The following BIRC6 variants were observed in gnomAD, a reference collection of about 807,000 sequenced individuals.
The protein encoded by BIRC6 is baculoviral IAP repeat containing 6.
A neutral mutation model predicts 503.3 loss-of-function variants in BIRC6; 98 were observed. That is an observed-to-expected ratio of 0.19 (90% CI 0.17 to 0.23). BIRC6 has a LOEUF of 0.23. Among genes scored for constraint, BIRC6 ranks in the 10% least tolerant of loss-of-function variants. BIRC6 has a pLI of 1.00. For synonymous variants in BIRC6, 2,240 were observed against 2,078.7 expected, an observed-to-expected ratio of 1.08 and a Z score of -2.11; for missense variants, 5,360 against 5,806.0, an observed-to-expected ratio of 0.92 and a Z score of 2.50.
chr2:32,514,282 C>T (rs2149686626), intron 54 of BIRC6, among the ~76,000 whole-genome samples: 1 of 152,144 alleles, frequency 6.6e-6, no homozygotes, highest in East Asian at 1.9e-4. Context: ...GATGATGGCA[C>T]CACTGGCACT....
At chr2:32,595,213 T>C (rs1460921046) in intron 68 of BIRC6, 69 bp downstream of exon 68, 13 of 957,654 alleles carry the variant, frequency 1.4e-5, no homozygotes, top group Non-Finnish European at 2.0e-5. Context: ...TATTGAAATG[T>C]GTTTTAGCAA....
intron 66 of BIRC6, among the ~76,000 whole-genome samples, chr2:32,585,527 G>A (rs1379116027): frequency 5.9e-5 from 9 of 151,970 alleles, no homozygotes; most frequent in Admixed American, 4.6e-4. Flanking sequence ...CTACAGGCGC[G>A]TGCCACCACA....
At chr2:32,582,237 G>T (rs1434274479) in intron 66 of BIRC6, among the ~76,000 whole-genome samples, 1 of 152,164 alleles carries the variant, frequency 6.6e-6, no homozygotes, top group African/African-American at 2.4e-5. Flanking sequence ...GGCTGGATAT[G>T]GTGGCTCTTG....
rs1341125448 is a variant in BIRC6 at position 32,549,338 on chromosome 2, T to A, written c.13001T>A (p.Val4334Asp). 5 of 1,468,354 alleles carry A rather than the reference T, an allele frequency of 3.4e-6. No homozygotes were observed. The highest frequency in any genetic ancestry group is 2.4e-5 in the East Asian group (1 of 42,220). 91.0% of individuals were successfully genotyped at this position (1,468,354 alleles called of 1,614,324 possible). The part of the protein sequence containing the change: ...LQVLASYINP[V>D]SSAVNGEAQS... Reference sequence around the variant, plus strand: ...GTTCTTGCCAGTTACATAAATCCCGTCAGTAGTGCGGTAAATGGAGAAGCT... The same window carrying A: ...GTTCTTGCCAGTTACATAAATCCCGACAGTAGTGCGGTAAATGGAGAAGCT... The change falls in exon 65 of 74, where the codon GTC becomes GAC. Residue 4334 changes from valine to aspartate, a missense_variant. Physicochemically the swap from Val to Asp is radical, Grantham distance 152. This residue lies in a region of BIRC6 where 477 missense variants were observed against 574.4 expected (regional missense o/e 0.83). Transcript: ENST00000421745.
chr2:32,485,811 A>G lies in BIRC6; in HGVS notation c.7813+52A>G, dbSNP rs144997175. 3.7e-4 allele frequency: 451 copies of G among 1,223,126 alleles called. 2 individuals are homozygous for G. In the African/African-American group the frequency reaches 5.4e-3, roughly 15 times the overall value. The allele number at this position is 1,223,126 out of a possible 1,614,324, so 75.8% of individuals were successfully genotyped here. A position where few individuals can be genotyped will look rare whatever the true frequency, so the allele number is the denominator to read the frequency against. On this transcript the variant is annotated intron_variant, in intron 40 of 73. Coordinates refer to ENST00000421745, the MANE Select transcript of BIRC6 (RefSeq NM_016252.4). ...ATTGCAGTGAATGATTCAGCTCTTC[A>G]TCATTTTCAGGTGGATTCATCAAGG...
chr2:32,541,781 T>A (rs1404820354), intron 61 of BIRC6, among the ~76,000 whole-genome samples: 1 of 152,130 alleles, frequency 6.6e-6, no homozygotes, highest in Admixed American at 6.5e-5. Context: ...TTTGAATTAT[T>A]AAGATTAAAT....
intron 50 of BIRC6, 82 bp from the exon 51 acceptor site, chr2:32,507,898 T>C: frequency 7.7e-7 from 1 of 1,303,956 alleles, no homozygotes; most frequent in Non-Finnish European, 1.0e-6. Context: ...CTGTGAAAGC[T>C]GCTATTTTAC....
intron 61 of BIRC6, among the ~76,000 whole-genome samples, chr2:32,535,462 C>T (rs1436520405): frequency 1.3e-5 from 2 of 152,124 alleles, no homozygotes; most frequent in Non-Finnish European, 2.9e-5. Flanking sequence ...CCTCCTCCCA[C>T]CCCACAACAG....
chr2:32,491,117 GAGTT>G (rs1370716523), intron 43 of BIRC6, among the ~76,000 whole-genome samples: 2 of 152,146 alleles, frequency 1.3e-5, no homozygotes, highest in Admixed American at 1.3e-4. Context: ...CTGGAAGGGG[GAGTT>G]AGTTAGAATA....
intron 59 of BIRC6, chr2:32,526,516 G>A (rs2056288791): frequency 6.6e-6 from 1 of 152,238 alleles, no homozygotes; most frequent in Non-Finnish European, 1.5e-5. Flanking sequence ...GGACAGCAAT[G>A]TAAGTGTGAA....
intron 46 of BIRC6, among the ~76,000 whole-genome samples, chr2:32,500,519 G>A (rs1447010541): frequency 6.6e-6 from 1 of 151,346 alleles, no homozygotes; most frequent in African/African-American, 2.4e-5. Flanking sequence ...CCAGATTCGA[G>A]TGATACTCCT....
chr2:32,477,251 A>G, intron 34 of BIRC6, 117 bp from the exon 35 acceptor site: 1 of 909,032 alleles, frequency 1.1e-6, no homozygotes, highest in Non-Finnish European at 1.6e-6. Flanking sequence ...GTGTATCTAA[A>G]AATTTTGCTC....
At chr2:32,568,831 C>T (rs1293408841) in intron 65 of BIRC6, among the ~76,000 whole-genome samples, 3 of 149,342 alleles carry the variant, frequency 2.0e-5, no homozygotes, top group Non-Finnish European at 4.4e-5. Flanking sequence ...GCAACAGGAG[C>T]GAAACTCAGT....
chr2:32,439,759 A>T, intron 16 of BIRC6, 73 bp downstream of exon 16: 1 of 1,360,060 alleles, frequency 7.4e-7, no homozygotes, highest in Non-Finnish European at 1.0e-6. Context: ...ACACTATTAG[A>T]AGTAGTATGA....
rs76449012 is a variant in BIRC6 at position 32,542,884 on chromosome 2, C to T, written c.12292-357C>T. Reference sequence around the variant, plus strand: ...GTGTGATCTTGGCTCACTGTGCCTTCCACCTCCTGGGTTCAAGTGTTTCTC... The same window carrying T: ...GTGTGATCTTGGCTCACTGTGCCTTTCACCTCCTGGGTTCAAGTGTTTCTC... On this transcript the variant is annotated intron_variant, in intron 61 of 73. Transcript: ENST00000421745. Among the ~76,000 whole-genome samples, 4 of 152,252 alleles carry T rather than the reference C, an allele frequency of 2.6e-5. No individual in the cohort carries two copies. The East Asian group carries it at 5.8e-4, about 22-fold the overall frequency.
intron 65 of BIRC6, chr2:32,564,112 T>C (rs1038666235): frequency 6.6e-6 from 1 of 152,286 alleles, no homozygotes; most frequent in Non-Finnish European, 1.5e-5. Context: ...CTGTACCCTT[T>C]AGTTATCATC....
At chr2:32,592,561 T>C (rs2061449168) in intron 66 of BIRC6, among the ~76,000 whole-genome samples, 2 of 152,170 alleles carry the variant, frequency 1.3e-5, no homozygotes, top group Admixed American at 1.3e-4. Context: ...GGTTCATTTG[T>C]ATGTAGATGA....
chr2:32,453,935 T>C lies in BIRC6; in HGVS notation c.4746T>C (p.Asp1582=). ...STSDGTRIER[D]DAMSSFGVTP... ...GTGATGGAACCAGAATAGAAAGGGA[T>C]GATGCAAGTACGTTTACTGGTATAT... The change falls in exon 23 of 74, where the codon GAT becomes GAC. Residue 1582 remains aspartate (D), a synonymous_variant. Transcript: ENST00000421745. The C allele has an allele frequency of 6.2e-7, 1 of 1,612,892 alleles. No individual in the cohort carries two copies. Among genetic ancestry groups the C allele is most frequent in the Admixed American group, 1.7e-5 (1 of 60,002 alleles).
intron 66 of BIRC6, among the ~76,000 whole-genome samples, chr2:32,581,864 A>G (rs571820219): frequency 7.9e-5 from 12 of 152,202 alleles, no homozygotes; most frequent in African/African-American, 2.6e-4. Context: ...ATTTTATTTT[A>G]TGTATTTATT....
Sources: gnomAD v4.1 joint callset for allele counts (sites outside exome capture counted in the v4.1 genomes callset) on GRCh38, gnomAD v4.1.1 for gene constraint, gnomAD v4.1.1 regional missense constraint, MANE v1.5 for transcripts, NCBI Gene and HGNC (gene_info 2026-07-23, HGNC 2026-07-21) for gene names.